RCL1: variants seen among roughly 807,000 people sequenced by gnomAD.
The protein encoded by RCL1 is RNA terminal phosphate cyclase like 1, also known as RNA 3'-terminal phosphate cyclase-like protein.
Under a neutral mutation model 42.4 loss-of-function variants are expected in RCL1, and 24 were observed. The ratio of observed to expected loss-of-function variants is 0.57; its 90% CI spans 0.41 to 0.80. The LOEUF (loss-of-function observed/expected upper bound fraction) is 0.80, where lower values mean the gene tolerates loss of function less well. Ranked by LOEUF, RCL1 falls within the 30% of genes least tolerant of loss-of-function variation. The pLI is 0.00. For missense variants in RCL1, 578 were observed against 467.9 expected, an observed-to-expected ratio of 1.24 and a Z score of -2.17; for synonymous variants, 228 against 177.3, an observed-to-expected ratio of 1.29 and a Z score of -2.27.
At chr9:4,812,712 C>G (rs529623043) in intron 1 of RCL1, among the ~76,000 whole-genome samples, 1 of 151,918 alleles carries the variant, frequency 6.6e-6, no homozygotes, top group African/African-American at 2.4e-5. Context: ...TGCATTGAAT[C>G]TGTAGATAAA....
intron 3 of RCL1, chr9:4,827,445 T>C: frequency 2.5e-6 from 1 of 405,178 alleles, no homozygotes. Flanking sequence ...CAGCGTAATC[T>C]TGACTTACCC....
chr9:4,826,968 C>A lies in RCL1; in HGVS notation c.319C>A (p.Pro107Thr), dbSNP rs923323049. Residue 107 changes from proline (P) to threonine (T), a missense_variant, in exon 3 of 9, where the codon CCA becomes ACA. By Grantham distance (38) the Pro-to-Thr change is conservative. Coordinates refer to ENST00000381750, the MANE Select transcript of RCL1 (RefSeq NM_005772.5). Reference sequence around the variant, plus strand: ...CCTGGAGAGTCTTCTTTGCTTGGCTCCATTTATGAAGCACCCGTTAAAAAT... The same window carrying A: ...CCTGGAGAGTCTTCTTTGCTTGGCTACATTTATGAAGCACCCGTTAAAAAT... ...YYLESLLCLAPFMKHPLKIVL... is the reference protein window; with the variant it reads ...YYLESLLCLATFMKHPLKIVL... 5 of 1,614,004 alleles carry A rather than the reference C, an allele frequency of 3.1e-6. No individual in the cohort carries two copies. In the African/African-American group the frequency reaches 4.0e-5, roughly 13 times the overall value.
At chr9:4,829,092 G>A (rs12351588) in intron 3 of RCL1, among the ~76,000 whole-genome samples, 4,204 of 152,244 alleles carry the variant, frequency 0.028, 170 homozygotes, top group African/African-American at 0.093. Context: ...TCCTAGTCTC[G>A]TGGGGTGGAC....
At chr9:4,844,076 A>C (rs1467736783) in intron 6 of RCL1, among the ~76,000 whole-genome samples, 2 of 152,172 alleles carry the variant, frequency 1.3e-5, no homozygotes, top group Non-Finnish European at 2.9e-5. Flanking sequence ...TAGTGAGCTC[A>C]TATAGTGCAT....
intron 3 of RCL1, among the ~76,000 whole-genome samples, chr9:4,831,433 T>G (rs779686007): frequency 6.6e-6 from 1 of 151,850 alleles, no homozygotes; most frequent in Non-Finnish European, 1.5e-5. Flanking sequence ...GTATTCTTCT[T>G]TATCTGGCAA....
chr9:4,848,507 G>T (rs1587730376), intron 7 of RCL1, among the ~76,000 whole-genome samples: 1 of 152,234 alleles, frequency 6.6e-6, no homozygotes, highest in Non-Finnish European at 1.5e-5. Flanking sequence ...ATCCTGTTCA[G>T]TCTAGCCTTG....
intron 1 of RCL1, among the ~76,000 whole-genome samples, chr9:4,822,382 G>C (rs545079602): frequency 1.3e-5 from 2 of 152,178 alleles, no homozygotes; most frequent in South Asian, 4.1e-4. Flanking sequence ...AAAACTAAGG[G>C]GTGTGTTTGT....
At chr9:4,803,093 T>C (rs754845062) in intron 1 of RCL1, among the ~76,000 whole-genome samples, 4 of 152,100 alleles carry the variant, frequency 2.6e-5, no homozygotes, top group Non-Finnish European at 5.9e-5. Context: ...GCAGTCCTCC[T>C]GTCTTGGCCT....
At chr9:4,829,567 A>G (rs974373218) in intron 3 of RCL1, among the ~76,000 whole-genome samples, 16 of 152,304 alleles carry the variant, frequency 1.1e-4, no homozygotes, top group Admixed American at 9.1e-4. Flanking sequence ...AGCCTCAGAG[A>G]CAGGTCATCA....
At chr9:4,855,700 G>T (rs1023164114) in intron 8 of RCL1, among the ~76,000 whole-genome samples, 3 of 152,162 alleles carry the variant, frequency 2.0e-5, no homozygotes, top group Non-Finnish European at 2.9e-5. Flanking sequence ...GACATAGGGA[G>T]AATGGGGCTA....
At chr9:4,841,087 C>A in intron 5 of RCL1, 145 bp from the exon 6 acceptor site, 1 of 799,848 alleles carries the variant, frequency 1.3e-6, no homozygotes, top group South Asian at 1.8e-5. Context: ...AATTATGGTA[C>A]TAATTCAGTA....
chr9:4,844,663 G>C lies in RCL1; in HGVS notation c.849G>C (p.Leu283=). The change falls in exon 7 of 9, where the codon CTG becomes CTC. Residue 283 remains leucine (L), a synonymous_variant. Transcript: ENST00000381750. ...TTGGCAGGAACTGTGCCCGGCTGCT[G>C]CTGGAGGAAATCTACAGGGTATGTC... ...EDLGRNCARL[L]LEEIYRGGCV... 1 of 1,613,302 alleles carries C rather than the reference G, an allele frequency of 6.2e-7. No individual in the cohort carries two copies. The highest frequency in any genetic ancestry group is 8.5e-7 in the Non-Finnish European group (1 of 1,179,832).
At chr9:4,819,357 A>G (rs1816503595) in intron 1 of RCL1, among the ~76,000 whole-genome samples, 1 of 152,218 alleles carries the variant, frequency 6.6e-6, no homozygotes, top group Non-Finnish European at 1.5e-5. Flanking sequence ...AAAAGGTTGG[A>G]GAGTGCTGGT....
intron 1 of RCL1, among the ~76,000 whole-genome samples, chr9:4,797,428 C>T (rs970119504): frequency 6.6e-6 from 1 of 152,134 alleles, no homozygotes; most frequent in Non-Finnish European, 1.5e-5. Context: ...GTTGTTTCCA[C>T]GTATTTCTAT....
In RCL1 at chr9:4,844,591, G is replaced by C. The variant is rs372638131; in HGVS notation, c.777G>C (p.Leu259=). ...TTSGTFLSAE[L]ASNPQGQGAA... Reference sequence around the variant, plus strand: ...GTGGCACCTTCCTCAGTGCTGAACTGGCCTCCAACCCCCAGGGCCAGGGAG... The same window carrying C: ...GTGGCACCTTCCTCAGTGCTGAACTCGCCTCCAACCCCCAGGGCCAGGGAG... The change falls in exon 7 of 9, where the codon CTG becomes CTC. Residue 259 remains leucine, a synonymous_variant. Coordinates refer to ENST00000381750, the MANE Select transcript of RCL1 (RefSeq NM_005772.5). The C allele has an allele frequency of 8.4e-5, 136 of 1,614,022 alleles. No individual in the cohort carries two copies. The highest frequency in any genetic ancestry group is 1.7e-4 in the Middle Eastern group (1 of 6,046).
Position 4,860,305 on chromosome 9 carries a change from T to C in RCL1, c.*30T>C. 6.2e-7 allele frequency: 1 copy of C among 1,604,584 alleles called. No homozygotes were observed. On this transcript the variant is annotated 3_prime_UTR_variant, in exon 9 of 9. Transcript: ENST00000381750. ...CATCACAAGATAAGGCCCCAATGCC[T>C]ACAGACAAAGCAGAAGCTGCCACGG...
At chr9:4,827,952 C>T (rs563373481) in intron 3 of RCL1, among the ~76,000 whole-genome samples, 21 of 151,926 alleles carry the variant, frequency 1.4e-4, no homozygotes, top group African/African-American at 3.9e-4. Context: ...TTTGGGAGGC[C>T]GAGGCGGGCA....
rs191788496 is a variant in RCL1 at position 4,860,329 on chromosome 9, G to A, written c.*54G>A. ...CTACAGACAAAGCAGAAGCTGCCAC[G>A]GACACCAATGGGACCAAGTCCAAAT... On this transcript the variant is annotated 3_prime_UTR_variant, in exon 9 of 9. Coordinates refer to ENST00000381750, the MANE Select transcript of RCL1 (RefSeq NM_005772.5). 4.2e-4 allele frequency: 664 copies of A among 1,575,570 alleles called. No individual in the cohort carries two copies. The highest frequency in any genetic ancestry group is 5.3e-4 in the Non-Finnish European group (616 of 1,161,696).
intron 7 of RCL1, 130 bp downstream of exon 7, chr9:4,844,811 G>C: frequency 1.1e-6 from 1 of 893,850 alleles, no homozygotes; most frequent in Middle Eastern, 3.6e-4. Flanking sequence ...TGTGCATTAA[G>C]CAGTTCAGCC....
Sources: allele counts gnomAD v4.1 joint callset (sites outside exome capture counted in the v4.1 genomes callset), GRCh38; gene constraint gnomAD v4.1.1; transcripts MANE v1.5; gene names NCBI Gene and HGNC (gene_info 2026-07-23, HGNC 2026-07-21).